The following TCF12 variants were observed in gnomAD, a reference collection of about 807,000 sequenced individuals.
The protein encoded by TCF12 is transcription factor 12.
Under a neutral mutation model 86.0 loss-of-function variants are expected in TCF12, and 45 were observed. That is an observed-to-expected ratio of 0.52 (90% CI 0.41 to 0.67). TCF12 has a LOEUF of 0.67. Ranked by LOEUF, TCF12 falls within the 30% of genes least tolerant of loss-of-function variation. The probability of loss-of-function intolerance (pLI) is 0.00; values close to 1 mark genes in which losing one functional copy is unlikely to be tolerated. For missense variants in TCF12, 881 were observed against 859.9 expected, an observed-to-expected ratio of 1.02 and a Z score of -0.31; for synonymous variants, 330 against 299.6, an observed-to-expected ratio of 1.10 and a Z score of -1.05.
intron 4 of TCF12, among the ~76,000 whole-genome samples, chr15:57,067,433 G>A (rs912566819): frequency 5.1e-4 from 76 of 149,196 alleles, no homozygotes; most frequent in Non-Finnish European, 6.5e-4. Context: ...CCAGCTACTT[G>A]GGAGGCTGAG....
rs554037047 is a variant in TCF12, at chr15:57,232,417, C to T, written c.812C>T (p.Ser271Leu). 93 of 1,607,516 alleles carry T rather than the reference C, an allele frequency of 5.8e-5. No individual in the cohort carries two copies. The South Asian group carries it at 8.7e-4, about 15-fold the overall frequency. The change falls in exon 10 of 21, where the codon TCA (serine) becomes TTA (leucine). Residue 271 changes from serine (S) to leucine (L), a missense_variant. Ser to Leu is a moderately radical substitution (Grantham distance 145). Coordinates refer to ENST00000333725, the MANE Select transcript of TCF12 (RefSeq NM_207037.2). Reference protein sequence around the residue: ...SQSSSYGNLHSHDRLSYPPHS... With the variant: ...SQSSSYGNLHLHDRLSYPPHS... ...TCCAGTAGTTATGGCAACCTTCATT[C>T]ACATGACCGCTTGGTAGGCTATAAC... is the stretch of plus-strand genomic sequence containing the variant.
chr15:57,069,898 G>T (rs2069217311), intron 4 of TCF12, among the ~76,000 whole-genome samples: 2 of 152,224 alleles, frequency 1.3e-5, no homozygotes, highest in Admixed American at 1.3e-4. Context: ...GTATTGGGTA[G>T]AATAGCATAG....
At chr15:57,057,480 G>A (rs1481150721) in intron 3 of TCF12, among the ~76,000 whole-genome samples, 2 of 152,166 alleles carry the variant, frequency 1.3e-5, no homozygotes, top group East Asian at 1.9e-4. Context: ...CTTCTTTCAA[G>A]TTTATATTTT....
intron 2 of TCF12, 68 bp downstream of exon 2, chr15:56,920,056 T>TTG: frequency 6.3e-7 from 1 of 1,585,994 alleles, no homozygotes; most frequent in Non-Finnish European, 8.6e-7. Context: ...GTTTGTTTCT[T>TTG]TTAAATAAAG....
chr15:57,179,639 A>T (rs1597106268), intron 6 of TCF12, among the ~76,000 whole-genome samples: 1 of 152,166 alleles, frequency 6.6e-6, no homozygotes, highest in African/African-American at 2.4e-5. Context: ...GACAATATTT[A>T]TTAAGTTTTC....
intron 8 of TCF12, among the ~76,000 whole-genome samples, chr15:57,202,870 TGTG>T (rs2057619892): frequency 6.6e-6 from 1 of 152,178 alleles, no homozygotes; most frequent in Non-Finnish European, 1.5e-5. Flanking sequence ...CTACTATAAG[TGTG>T]GTGTATCCTA....
chr15:57,131,595 A>G (rs1194440231), intron 5 of TCF12, among the ~76,000 whole-genome samples: 1 of 152,220 alleles, frequency 6.6e-6, no homozygotes, highest in East Asian at 1.9e-4. Context: ...ATGACCACTT[A>G]TAACAATAAG....
intron 8 of TCF12, among the ~76,000 whole-genome samples, chr15:57,227,070 T>TCC (rs1373288512): frequency 6.6e-6 from 1 of 152,118 alleles, no homozygotes; most frequent in Non-Finnish European, 1.5e-5. Flanking sequence ...AAAATTCCCA[T>TCC]CTCTTCATCC....
At chr15:56,965,394 G>A (rs768438228) in intron 3 of TCF12, among the ~76,000 whole-genome samples, 3 of 152,130 alleles carry the variant, frequency 2.0e-5, no homozygotes, top group Admixed American at 2.0e-4. Context: ...GCAAAATACA[G>A]TTCTCACTTT....
At chr15:56,940,508 T>G (rs538022789) in intron 3 of TCF12, among the ~76,000 whole-genome samples, 2 of 149,472 alleles carry the variant, frequency 1.3e-5, no homozygotes, top group African/African-American at 5.0e-5. Context: ...TCCTTCTTCT[T>G]CTCCTCCTCC....
At chr15:57,039,296 T>C (rs1399781868) in intron 3 of TCF12, among the ~76,000 whole-genome samples, 1 of 152,200 alleles carries the variant, frequency 6.6e-6, no homozygotes, top group Non-Finnish European at 1.5e-5. Flanking sequence ...TGGGTTGTTT[T>C]TTCTTACATA....
chr15:57,098,550 A>G (rs1373471700), intron 5 of TCF12, among the ~76,000 whole-genome samples: 3 of 152,168 alleles, frequency 2.0e-5, no homozygotes, highest in Non-Finnish European at 2.9e-5. Flanking sequence ...ATCTTTATAG[A>G]CTATTATTTT....
chr15:57,063,767 G>A lies in TCF12; in HGVS notation c.166G>A (p.Gly56Ser), dbSNP rs571098499. 4.4e-6 allele frequency: 7 copies of A among 1,603,688 alleles called. No homozygotes were observed. The highest frequency in any genetic ancestry group is 6.0e-6 in the Non-Finnish European group (7 of 1,172,382). Reference sequence around the variant, plus strand: ...CTTTTTAGGTATTGATGAAAGAGGAGGTACAACATCTTGGGGAACAAGTGG... The same window carrying A: ...CTTTTTAGGTATTGATGAAAGAGGAAGTACAACATCTTGGGGAACAAGTGG... ...FSGSGIDERGGTTSWGTSGQP... is the reference protein window; with the variant it reads ...FSGSGIDERGSTTSWGTSGQP... Residue 56 changes from glycine (G) to serine (S), a missense_variant, in exon 4 of 21, where the codon GGT becomes AGT. Gly to Ser is a moderately conservative substitution (Grantham distance 56). This residue lies in a region of TCF12 where 766 missense variants were observed against 718.9 expected (regional missense o/e 1.07). Coordinates refer to ENST00000333725, the MANE Select transcript of TCF12 (RefSeq NM_207037.2).
At chr15:57,014,168 C>T (rs1478552667) in intron 3 of TCF12, among the ~76,000 whole-genome samples, 1 of 152,132 alleles carries the variant, frequency 6.6e-6, no homozygotes, top group African/African-American at 2.4e-5. Flanking sequence ...GCTGTTGATA[C>T]CTTTTCATAT....
chr15:56,942,850 A>G (rs2060838805), intron 3 of TCF12, among the ~76,000 whole-genome samples: 1 of 152,152 alleles, frequency 6.6e-6, no homozygotes, highest in African/African-American at 2.4e-5. Flanking sequence ...TTGCAGAGGA[A>G]GTGCTTTATA....
chr15:56,983,451 A>G (rs1283207942), intron 3 of TCF12, among the ~76,000 whole-genome samples: 1 of 152,152 alleles, frequency 6.6e-6, no homozygotes, highest in East Asian at 1.9e-4. Context: ...ATATTACTGC[A>G]CAGTTCTTTA....
intron 8 of TCF12, among the ~76,000 whole-genome samples, chr15:57,213,897 G>T (rs893975185): frequency 6.6e-6 from 1 of 152,278 alleles, no homozygotes; most frequent in South Asian, 2.1e-4. Flanking sequence ...AAGCTCTTCA[G>T]AAGTGCTGGT....
At chr15:57,276,450 G>A (rs1597843359) in intron 19 of TCF12, among the ~76,000 whole-genome samples, 1 of 152,200 alleles carries the variant, frequency 6.6e-6, no homozygotes, top group Non-Finnish European at 1.5e-5. Context: ...ATGAAATAGC[G>A]AAAGCTGCAT....
At chr15:57,161,019 C>T (rs2054472192) in intron 5 of TCF12, among the ~76,000 whole-genome samples, 1 of 152,094 alleles carries the variant, frequency 6.6e-6, no homozygotes, top group South Asian at 2.1e-4. Context: ...ATCTCCTAAC[C>T]TCTTCATCTG....
Sources: allele counts gnomAD v4.1 joint callset (sites outside exome capture counted in the v4.1 genomes callset), GRCh38; gene constraint gnomAD v4.1.1; regional missense constraint gnomAD v4.1.1; transcripts MANE v1.5; gene names NCBI Gene and HGNC (gene_info 2026-07-23, HGNC 2026-07-21).